The following NUP214 variants were observed in gnomAD, a reference collection of about 807,000 sequenced individuals.
NUP214 encodes the protein nucleoporin 214, also known as nuclear pore complex protein Nup214.
Under a neutral mutation model 196.2 loss-of-function variants are expected in NUP214, and 79 were observed. That is an observed-to-expected ratio of 0.40 (90% confidence interval 0.34 to 0.49). The LOEUF (loss-of-function observed/expected upper bound fraction) is 0.49, where lower values mean the gene tolerates loss of function less well. Ranked by LOEUF, NUP214 falls within the 20% of genes least tolerant of loss-of-function variation. The pLI is 0.58. For missense variants in NUP214, 2,468 were observed against 2,539.0 expected (o/e 0.97, Z 0.60); for synonymous variants, 1,020 against 990.5 (o/e 1.03, Z -0.56).
At chr9:131,186,056 C>T (rs1432738886) in intron 24 of NUP214, among the ~76,000 whole-genome samples, 1 of 152,206 alleles carries the variant, frequency 6.6e-6, no homozygotes, top group African/African-American at 2.4e-5. Context: ...CCAACCTCTT[C>T]TCTAAGCAAG....
intron 21 of NUP214, among the ~76,000 whole-genome samples, chr9:131,173,406 A>AT (rs1833014471): frequency 1.5e-5 from 1 of 66,808 alleles, no homozygotes; most frequent in Admixed American, 2.2e-4. Flanking sequence ...CTGTTACCCT[A>AT]TTTTTTGTAG....
chr9:131,138,677 G>A (rs1421103772), intron 9 of NUP214, among the ~76,000 whole-genome samples: 1 of 152,224 alleles, frequency 6.6e-6, no homozygotes, highest in African/African-American at 2.4e-5. Context: ...CAAAAAGGGA[G>A]TTTACTAGAA....
At chr9:131,129,230 C>T (rs1043047405) in intron 3 of NUP214, 49 bp from the exon 4 acceptor site, 5 of 1,456,392 alleles carry the variant, frequency 3.4e-6, no homozygotes, top group East Asian at 2.3e-5. Flanking sequence ...AATGTTTCTG[C>T]ATTTACTATT....
chr9:131,191,637 T>A (rs768792066), intron 26 of NUP214: 5 of 152,094 alleles, frequency 3.3e-5, no homozygotes, highest in Admixed American at 6.5e-5. Context: ...TCTGTAATTT[T>A]AAAAAAAGAA....
chr9:131,230,636 GAGC>G lies in NUP214; in HGVS notation c.6089_6091del (p.Ser2030del). The stretch of plus-strand genomic sequence containing the variant: ...GTTTCTCACTGGAGCGCAGGTTTGG[GAGC>G]AGCAGCAACACCACATCCTTCGGCA... On this transcript the variant is annotated inframe_deletion, in exon 34 of 36. Transcript: ENST00000359428. 6.2e-7 allele frequency: 1 copy of G among 1,614,018 alleles called. No individual in the cohort carries two copies. The highest frequency in any genetic ancestry group is 1.7e-5 in the Admixed American group (1 of 60,024).
intron 22 of NUP214, 140 bp from the exon 23 acceptor site, chr9:131,175,320 G>A (rs1833083316): frequency 2.1e-6 from 2 of 949,182 alleles, no homozygotes; most frequent in South Asian, 1.7e-5. Flanking sequence ...ATGCCAGCCT[G>A]TTAGTTTACT....
At chr9:131,190,756 A>G (rs927136911) in intron 26 of NUP214, 2 of 304,906 alleles carry the variant, frequency 6.6e-6, no homozygotes, top group African/African-American at 4.4e-5. Context: ...TTTCATGTAT[A>G]TCTCTTGAGG....
chr9:131,148,366 A>G (rs771685408), intron 14 of NUP214, among the ~76,000 whole-genome samples: 1 of 152,162 alleles, frequency 6.6e-6, no homozygotes, highest in South Asian at 2.1e-4. Flanking sequence ...TTCCACTCTG[A>G]TGGGCGCTTG....
chr9:131,159,205 C>T lies in NUP214; in HGVS notation c.2437-178C>T, dbSNP rs1588138697. 1.0e-5 allele frequency: 6 copies of T among 595,896 alleles called. No individual in the cohort carries two copies. In the East Asian group the frequency reaches 1.7e-4, roughly 17 times the overall value. The allele number at this position is 595,896 out of a possible 1,614,324, so 36.9% of individuals were successfully genotyped here. On this transcript the variant is annotated intron_variant, in intron 17 of 35. Coordinates refer to ENST00000359428, the MANE Select transcript of NUP214 (RefSeq NM_005085.4). ...TTGGGATTATAGGCCTGAGCCACTACACCCGGCCTCATTTTAATTATATAG... is the reference window on the plus strand; with the variant it reads ...TTGGGATTATAGGCCTGAGCCACTATACCCGGCCTCATTTTAATTATATAG...
chr9:131,170,258 G>A (rs528281264), intron 21 of NUP214, among the ~76,000 whole-genome samples: 30 of 152,262 alleles, frequency 2.0e-4, no homozygotes, highest in African/African-American at 6.3e-4. Flanking sequence ...GCAGTGAGCC[G>A]AGATCATGCC....
chr9:131,128,574 C>G, intron 3 of NUP214, 91 bp downstream of exon 3: 3 of 1,134,312 alleles, frequency 2.6e-6, no homozygotes, highest in Admixed American at 5.3e-5. Flanking sequence ...ATAGGTTAAC[C>G]CTTGAAGTTT....
At position 131,233,562 on chromosome 9, in the gene NUP214, G is replaced by A; in HGVS notation, c.*75G>A. ...TTCTTCCCCGAGAAATGCTGGAGCA[G>A]GCTGTTCAGACCGACGTTGCCATCA... On this transcript the variant is annotated 3_prime_UTR_variant, in exon 36 of 36. Transcript: ENST00000359428. 6.3e-7 allele frequency: 1 copy of A among 1,575,762 alleles called. No homozygotes were observed. The highest frequency in any genetic ancestry group is 1.1e-5 in the South Asian group (1 of 89,872).
chr9:131,226,547 C>T (rs1834729980), intron 32 of NUP214, among the ~76,000 whole-genome samples: 1 of 152,014 alleles, frequency 6.6e-6, no homozygotes. Flanking sequence ...CTAGATAGCG[C>T]CCTGCATGTC....
At chr9:131,128,604 G>A (rs1831436237) in intron 3 of NUP214, 121 bp downstream of exon 3, 6 of 805,240 alleles carry the variant, frequency 7.5e-6, no homozygotes, top group South Asian at 2.7e-5. Flanking sequence ...TTAAAATATG[G>A]GTTAAAAAAA....
chr9:131,220,938 A>G (rs980908833), intron 31 of NUP214, among the ~76,000 whole-genome samples: 2 of 152,218 alleles, frequency 1.3e-5, no homozygotes, highest in African/African-American at 4.8e-5. Flanking sequence ...CACATTTCAT[A>G]TGGTTGCACC....
At chr9:131,196,025 T>TCCCCCCCCCC (rs1365777357) in intron 28 of NUP214, among the ~76,000 whole-genome samples, 2 of 3,664 alleles carry the variant, frequency 5.5e-4, no homozygotes, top group Admixed American at 4.4e-3. Context: ...ACTCTGTGTG[T>TCCCCCCCCCC]CCCCCCCCCC....
chr9:131,208,067 A>C (rs554346802), intron 30 of NUP214, among the ~76,000 whole-genome samples: 1 of 152,348 alleles, frequency 6.6e-6, no homozygotes, highest in East Asian at 1.9e-4. Flanking sequence ...AAAAGTAAAA[A>C]ATAAAAATAA....
intron 14 of NUP214, among the ~76,000 whole-genome samples, chr9:131,148,801 C>CA (rs1832161226): frequency 6.6e-6 from 1 of 152,132 alleles, no homozygotes; most frequent in Non-Finnish European, 1.5e-5. Flanking sequence ...CACACGCACA[C>CA]ACATACAGTG....
chr9:131,232,440 G>A lies in NUP214; in HGVS notation c.6239+132G>A. On this transcript the variant is annotated intron_variant, in intron 35 of 35. Transcript: ENST00000359428. This position sits in a 1 kb window ranked among gnomAD's most constrained non-coding sequence, Gnocchi z 5.1. ...TTTTAGAGTTTGTCCTGGAAGTGTG[G>A]GGGTTCAGCAGCAGGGTTTGGGTTT... 2 of 932,220 alleles carry A rather than the reference G, an allele frequency of 2.1e-6. No individual in the cohort carries two copies. Among genetic ancestry groups the A allele is most frequent in the South Asian group, 1.4e-5 (1 of 73,828 alleles). The allele number at this position is 932,220 out of a possible 1,614,324, so 57.7% of individuals were successfully genotyped here.
Sources: gnomAD v4.1 joint callset for allele counts (sites outside exome capture counted in the v4.1 genomes callset) on GRCh38, gnomAD v4.1.1 for gene constraint, Gnocchi (gnomAD v3.1) non-coding constraint, MANE v1.5 for transcripts, NCBI Gene and HGNC (gene_info 2026-07-23, HGNC 2026-07-21) for gene names.